The following SCRG1 variants were observed in gnomAD, a reference collection of about 807,000 sequenced individuals.
The protein encoded by SCRG1 is scrapie-responsive protein 1.
A neutral mutation model predicts 7.7 loss-of-function variants in SCRG1; 3 were observed. The observed-to-expected ratio is 0.39, with a 90% CI of 0.18 to 1.01. The LOEUF is 1.01. Among genes scored for constraint, SCRG1 ranks in the 50% least tolerant of loss-of-function variants. SCRG1 has a pLI of 0.36. For missense variants in SCRG1, 110 were observed against 117.2 expected (o/e 0.94, Z 0.28); for synonymous variants, 46 against 41.2 (o/e 1.12, Z -0.44).
chr4:173,483,242 GA>G, the SCRG1 span, among the ~76,000 whole-genome samples: 4 of 55,946 alleles, frequency 7.1e-5, 1 homozygote, highest in Non-Finnish European at 8.9e-5. Context: ...TATAATATAT[GA>G]TATATCATAT....
chr4:173,479,445 T>G, the SCRG1 span, among the ~76,000 whole-genome samples: 2 of 147,144 alleles, frequency 1.4e-5, no homozygotes, highest in African/African-American at 2.5e-5. Flanking sequence ...GTTTTTTTGT[T>G]TTTTTTTTTT....
At chr4:173,503,721 A>T in the SCRG1 span, among the ~76,000 whole-genome samples, 7 of 152,194 alleles carry the variant, frequency 4.6e-5, no homozygotes, top group Non-Finnish European at 7.3e-5. The surrounding 1 kb of genome is among the most constrained non-coding windows in gnomAD (Gnocchi z 6.4). Flanking sequence ...CCCAACCCAG[A>T]TGTGCCTGAC....
chr4:173,476,361 A>AAAAAAAAAATATATAT, the SCRG1 span, among the ~76,000 whole-genome samples: 1 of 51,396 alleles, frequency 1.9e-5, no homozygotes. Flanking sequence ...GGGGAAAAAA[A>AAAAAAAAAATATATAT]AAATATATAT....
intron 2 of SCRG1, among the ~76,000 whole-genome samples, chr4:173,390,928 A>G (rs112585368): frequency 6.6e-6 from 1 of 152,280 alleles, no homozygotes; most frequent in African/African-American, 2.4e-5. Context: ...AATTTAATAG[A>G]TTGAAGTATT....
chr4:173,443,098 C>T, the SCRG1 span, among the ~76,000 whole-genome samples: 8 of 152,188 alleles, frequency 5.3e-5, no homozygotes, highest in East Asian at 9.6e-4. Flanking sequence ...CTAGTTAACT[C>T]GAGGATTTTC....
At position 173,387,148 on chromosome 4, in the gene SCRG1, A is replaced by G. The variant is rs2126910936; in HGVS notation, c.*1193T>C. On this transcript the variant is annotated 3_prime_UTR_variant, in exon 3 of 3. Coordinates refer to ENST00000296506, the MANE Select transcript of SCRG1 (RefSeq NM_007281.4). ...TTCTTAAAAATGGATACTTTAGGAAATGTATCATGGTTTTAAGGATACATC... is the reference window on the plus strand; with the variant it reads ...TTCTTAAAAATGGATACTTTAGGAAGTGTATCATGGTTTTAAGGATACATC... 1 of 152,272 alleles carries G rather than the reference A, an allele frequency of 6.6e-6. No individual in the cohort carries two copies. The highest frequency in any genetic ancestry group is 2.1e-4 in the South Asian group (1 of 4,828). 9.4% of individuals were successfully genotyped at this position (152,272 alleles called of 1,614,324 possible). A position where few individuals can be genotyped will look rare whatever the true frequency, so the allele number is the denominator to read the frequency against.
At chr4:173,506,987 CA>C in the SCRG1 span, among the ~76,000 whole-genome samples, 1 of 152,190 alleles carries the variant, frequency 6.6e-6, no homozygotes, top group Non-Finnish European at 1.5e-5. This position sits in a 1 kb window ranked among gnomAD's most constrained non-coding sequence, Gnocchi z 5.3. Context: ...CTCCCTCCCT[CA>C]CCCGCAGGTT....
At chr4:173,484,793 T>G in the SCRG1 span, among the ~76,000 whole-genome samples, 2 of 90,744 alleles carry the variant, frequency 2.2e-5, no homozygotes, top group Non-Finnish European at 3.8e-5. Flanking sequence ...ATGTAATACA[T>G]ATTATATATT....
chr4:173,463,355 C>T, the SCRG1 span, among the ~76,000 whole-genome samples: 2 of 152,102 alleles, frequency 1.3e-5, no homozygotes, highest in African/African-American at 2.4e-5. Flanking sequence ...CTCACTGCAA[C>T]CTCTGCCCCC....
chr4:173,482,860 A>G, the SCRG1 span, among the ~76,000 whole-genome samples: 1 of 142,736 alleles, frequency 7.0e-6, no homozygotes, highest in Non-Finnish European at 1.5e-5. Flanking sequence ...TATATTATAT[A>G]TTTCATATAT....
Position 173,390,274 on chromosome 4 carries a change from G to T in SCRG1, c.242+899C>A, listed in dbSNP as rs566605211. ...TATACTTGTATTTTAAGTACAAAAC[G>T]ATAGTAGATAAATCAATAAATATTT... On this transcript the variant is annotated intron_variant, in intron 2 of 2. Coordinates refer to ENST00000296506, the MANE Select transcript of SCRG1 (RefSeq NM_007281.4). Among the ~76,000 whole-genome samples the T allele has an allele frequency of 2.6e-4, 39 of 152,148 alleles. No individual in the cohort carries two copies. In the South Asian group the frequency reaches 7.9e-3, roughly 31 times the overall value.
chr4:173,488,123 A>AAAT, the SCRG1 span, among the ~76,000 whole-genome samples: 6 of 151,246 alleles, frequency 4.0e-5, no homozygotes, highest in Non-Finnish European at 7.4e-5. Flanking sequence ...ATAAATAAAT[A>AAAT]AATAAATAAA....
intron 1 of SCRG1, 111 bp from the exon 2 acceptor site, chr4:173,391,539 G>A: frequency 9.3e-7 from 1 of 1,072,108 alleles, no homozygotes; most frequent in Non-Finnish European, 1.4e-6. Flanking sequence ...AAGAATGGGA[G>A]TTGGGCTTTT....
chr4:173,469,511 G>T, the SCRG1 span: 1 of 152,130 alleles, frequency 6.6e-6, no homozygotes, highest in South Asian at 2.1e-4. Flanking sequence ...CAAGATTTTA[G>T]ATTTCATGTA....
chr4:173,469,876 T>TGGAATAGGTAGGATAGGTAGGTCC, the SCRG1 span: 1 of 152,204 alleles, frequency 6.6e-6, no homozygotes. Context: ...CACTAAGACG[T>TGGAATAGGTAGGATAGGTAGGTCC]ACATCCTACC....
the SCRG1 span, among the ~76,000 whole-genome samples, chr4:173,485,063 T>TATATATTATATA: frequency 1.5e-4 from 1 of 6,722 alleles, no homozygotes. Flanking sequence ...TATTATATAT[T>TATATATTATATA]ATATATTATA....
the SCRG1 span, among the ~76,000 whole-genome samples, chr4:173,509,811 C>G: frequency 6.6e-6 from 1 of 152,258 alleles, no homozygotes; most frequent in Non-Finnish European, 1.5e-5. This position sits in a 1 kb window ranked among gnomAD's most constrained non-coding sequence, Gnocchi z 5.7. Context: ...GAAACCGACT[C>G]TTTTGCAAGA....
chr4:173,429,938 T>C, the SCRG1 span, among the ~76,000 whole-genome samples: 21 of 152,310 alleles, frequency 1.4e-4, no homozygotes, highest in Middle Eastern at 3.4e-3. Flanking sequence ...ATAAGCATGC[T>C]TTTAAATGCT....
chr4:173,463,943 C>A, the SCRG1 span, among the ~76,000 whole-genome samples: 63 of 152,046 alleles, frequency 4.1e-4, 1 homozygote, highest in Non-Finnish European at 8.1e-4. Flanking sequence ...AGCCAAGATT[C>A]AACGGACAAT....
Sources: gnomAD v4.1 joint callset for allele counts (sites outside exome capture counted in the v4.1 genomes callset) on GRCh38, gnomAD v4.1.1 for gene constraint, Gnocchi (gnomAD v3.1) non-coding constraint, MANE v1.5 for transcripts, NCBI Gene and HGNC (gene_info 2026-07-23, HGNC 2026-07-21) for gene names.